The following NKAIN3 variants were observed in gnomAD, a reference collection of about 807,000 sequenced individuals.
The protein encoded by NKAIN3 is sodium/potassium-transporting ATPase subunit beta-1-interacting protein 3.
NKAIN3 carries 25 observed loss-of-function variants against 30.2 expected under a neutral mutation model. The ratio of observed to expected loss-of-function variants is 0.83; its 90% confidence interval spans 0.60 to 1.16. The LOEUF is 1.16. Among genes scored for constraint, NKAIN3 ranks in the 50% most tolerant of loss-of-function variants. The probability of loss-of-function intolerance (pLI) is 0.00; values close to 1 mark genes in which losing one functional copy is unlikely to be tolerated. For synonymous variants in NKAIN3, 91 were observed against 89.6 expected (o/e 1.02, Z -0.09); for missense variants, 225 against 254.1 (o/e 0.89, Z 0.78).
chr8:62,341,567 A>G (rs1018060264), intron 1 of NKAIN3, among the ~76,000 whole-genome samples: 37 of 152,076 alleles, frequency 2.4e-4, no homozygotes, highest in African/African-American at 8.7e-4. Flanking sequence ...TAACTCTCCA[A>G]AGAAATTACC....
chr8:62,826,100 TG>T (rs1436518132), intron 4 of NKAIN3, among the ~76,000 whole-genome samples: 1 of 152,202 alleles, frequency 6.6e-6, no homozygotes, highest in East Asian at 1.9e-4. Flanking sequence ...TGCTCATCTC[TG>T]ATAATCATGT....
At chr8:62,995,670 A>C (rs1306360510) in intron 5 of NKAIN3, among the ~76,000 whole-genome samples, 1 of 145,570 alleles carries the variant, frequency 6.9e-6, no homozygotes, top group Non-Finnish European at 1.5e-5. Context: ...GTAGGAAGGA[A>C]AAAAGGCTAG....
chr8:62,559,464 G>T (rs1196963585), intron 1 of NKAIN3, among the ~76,000 whole-genome samples: 1 of 151,808 alleles, frequency 6.6e-6, no homozygotes, highest in Non-Finnish European at 1.5e-5. Context: ...TTCACTTTCT[G>T]TTTTTTCTCA....
At chr8:62,810,285 C>T (rs148144514) in intron 4 of NKAIN3, among the ~76,000 whole-genome samples, 1 of 152,146 alleles carries the variant, frequency 6.6e-6, no homozygotes, top group Non-Finnish European at 1.5e-5. Flanking sequence ...GCACATTCCA[C>T]TTCTTTTATG....
intron 4 of NKAIN3, among the ~76,000 whole-genome samples, chr8:62,890,351 G>C (rs564853517): frequency 6.6e-6 from 1 of 152,300 alleles, no homozygotes; most frequent in South Asian, 2.1e-4. Context: ...CCTTTTGTTA[G>C]CTAATTTGAG....
At chr8:62,903,757 T>C (rs189634485) in intron 4 of NKAIN3, among the ~76,000 whole-genome samples, 1 of 152,300 alleles carries the variant, frequency 6.6e-6, no homozygotes, top group East Asian at 1.9e-4. Context: ...CAGTTCATCA[T>C]GGTTGGGGCA....
chr8:62,818,958 A>C (rs1586233249), intron 4 of NKAIN3, among the ~76,000 whole-genome samples: 2 of 151,982 alleles, frequency 1.3e-5, no homozygotes, highest in East Asian at 3.9e-4. Flanking sequence ...GAAATCAACC[A>C]AATGATAGTC....
intron 3 of NKAIN3, among the ~76,000 whole-genome samples, chr8:62,706,927 G>A (rs1023640152): frequency 3.9e-5 from 6 of 151,908 alleles, no homozygotes; most frequent in African/African-American, 7.3e-5. Flanking sequence ...CAGTGAGAAC[G>A]TACGACATTT....
intron 3 of NKAIN3, among the ~76,000 whole-genome samples, chr8:62,657,616 TTTG>T (rs2130350217): frequency 6.6e-6 from 1 of 152,354 alleles, no homozygotes; most frequent in Admixed American, 6.5e-5. Flanking sequence ...GCTGGGTCTT[TTTG>T]TTGTTCATCA....
intron 1 of NKAIN3, among the ~76,000 whole-genome samples, chr8:62,578,439 G>C (rs557605049): frequency 1.6e-4 from 25 of 152,202 alleles, no homozygotes; most frequent in African/African-American, 6.0e-4. Flanking sequence ...AAATTTTCTT[G>C]TAGGTATATG....
chr8:62,577,343 A>G (rs1373388425), intron 1 of NKAIN3, among the ~76,000 whole-genome samples: 2 of 152,006 alleles, frequency 1.3e-5, no homozygotes, highest in African/African-American at 4.8e-5. Context: ...TTAATATCAT[A>G]AAAGAGAATG....
chr8:62,632,110 T>G lies in NKAIN3; in HGVS notation c.273+42316T>G, dbSNP rs149601443. ...AACCCTGATGCTTCCCTTCATGTGG[T>G]GGCCTCTCAGTGGCTATCTCCATTT... On this transcript the variant is annotated intron_variant, in intron 3 of 6. Transcript: ENST00000623646. Among the ~76,000 whole-genome samples, 129 of 152,282 alleles carry G rather than the reference T, an allele frequency of 8.5e-4. 3 individuals carry two copies. The East Asian group carries it at 0.023, about 27-fold the overall frequency.
chr8:62,997,101 G>A (rs780662518), intron 5 of NKAIN3, among the ~76,000 whole-genome samples: 10 of 152,212 alleles, frequency 6.6e-5, no homozygotes, highest in Non-Finnish European at 1.0e-4. Flanking sequence ...CCTTAGCAGA[G>A]GTTCTCCCTG....
At chr8:62,665,292 C>A (rs1399348287) in intron 3 of NKAIN3, among the ~76,000 whole-genome samples, 3 of 152,066 alleles carry the variant, frequency 2.0e-5, no homozygotes, top group Non-Finnish European at 4.4e-5. Context: ...CAGTCTGAAG[C>A]CCTTTCATAG....
At chr8:62,532,825 G>GA (rs1157061196) in intron 1 of NKAIN3, among the ~76,000 whole-genome samples, 2 of 152,172 alleles carry the variant, frequency 1.3e-5, no homozygotes, top group Non-Finnish European at 2.9e-5. Context: ...CGAGTAGTGA[G>GA]ATTTGAGTGA....
chr8:62,515,556 C>G (rs559059057), intron 1 of NKAIN3, among the ~76,000 whole-genome samples: 2 of 152,108 alleles, frequency 1.3e-5, no homozygotes, highest in African/African-American at 4.8e-5. Flanking sequence ...GTTTGTTATA[C>G]AACTTCCCTT....
intron 3 of NKAIN3, among the ~76,000 whole-genome samples, chr8:62,676,796 C>G (rs1255698984): frequency 6.6e-6 from 1 of 151,454 alleles, no homozygotes; most frequent in African/African-American, 2.4e-5. Flanking sequence ...TCACTGTAGC[C>G]TCCGATTTCC....
intron 3 of NKAIN3, among the ~76,000 whole-genome samples, chr8:62,714,080 A>T (rs1220508976): frequency 6.6e-6 from 1 of 152,090 alleles, no homozygotes; most frequent in African/African-American, 2.4e-5. Flanking sequence ...AATTTGCCAT[A>T]CCTCTCCATT....
chr8:62,535,273 A>G (rs1051179289), intron 1 of NKAIN3, among the ~76,000 whole-genome samples: 1 of 152,180 alleles, frequency 6.6e-6, no homozygotes, highest in African/African-American at 2.4e-5. Flanking sequence ...CTATTCTCAC[A>G]CTAAAGCAAT....
Sources: allele counts gnomAD v4.1 joint callset (sites outside exome capture counted in the v4.1 genomes callset), GRCh38; gene constraint gnomAD v4.1.1; transcripts MANE v1.5; gene names NCBI Gene and HGNC (gene_info 2026-07-23, HGNC 2026-07-21).